LOC112694756: variants seen among roughly 807,000 people sequenced by gnomAD.
At chr16:30,061,472 C>T in the LOC112694756 span, among the ~76,000 whole-genome samples, 3 of 149,214 alleles carry the variant, frequency 2.0e-5, no homozygotes, top group Non-Finnish European at 3.0e-5. Context: ...GCAGAGGGCT[C>T]AAGAGGGATT....
At chr16:30,068,062 ATTT>A in the LOC112694756 span, 814 of 176,086 alleles carry the variant, frequency 4.6e-3, no homozygotes, top group South Asian at 0.011. Context: ...TTTTAAGTAA[ATTT>A]TTTTTTTTTT....
At chr16:30,060,057 C>T in the LOC112694756 span, among the ~76,000 whole-genome samples, 1 of 152,072 alleles carries the variant, frequency 6.6e-6, no homozygotes, top group Admixed American at 6.5e-5. Flanking sequence ...CGGCTCACTG[C>T]AATCTCCATC....
the LOC112694756 span, chr16:30,068,012 T>C: frequency 3.4e-3 from 1,041 of 306,746 alleles, 11 homozygotes; most frequent in African/African-American, 0.021. Flanking sequence ...AGTGAAAATA[T>C]TTTAATTTAA....
the LOC112694756 span, chr16:30,064,622 A>G: frequency 2.5e-6 from 1 of 395,746 alleles, no homozygotes; most frequent in African/African-American, 2.1e-5. Flanking sequence ...TTCCCTAAAT[A>G]TAGGTCCCTG....
At chr16:30,059,076 C>G in the LOC112694756 span, 1 of 398,464 alleles carries the variant, frequency 2.5e-6, no homozygotes, top group East Asian at 3.6e-5. Context: ...AAAGGAAAGC[C>G]AGGCATCTAG....
the LOC112694756 span, chr16:30,055,140 G>A: frequency 3.1e-4 from 124 of 398,944 alleles, 1 homozygote; most frequent in Non-Finnish European, 2.0e-4. Flanking sequence ...ACTACCTGCT[G>A]CCTATTCCAC....
At chr16:30,055,019 A>G in the LOC112694756 span, 3 of 398,436 alleles carry the variant, frequency 7.5e-6, no homozygotes, top group East Asian at 1.1e-4. Flanking sequence ...ACCCTGAGAC[A>G]CTTGACATTT....
chr16:30,058,778 G>A, the LOC112694756 span, among the ~76,000 whole-genome samples: 1 of 151,220 alleles, frequency 6.6e-6, no homozygotes, highest in African/African-American at 2.4e-5. Flanking sequence ...CACCACGCCT[G>A]GCCTGCTCTG....
At chr16:30,067,646 T>A in the LOC112694756 span, 161 of 1,613,894 alleles carry the variant, frequency 1.0e-4, no homozygotes, top group African/African-American at 2.0e-3. Flanking sequence ...CCAAGGGCGG[T>A]GTTGTGGGCA....
the LOC112694756 span, among the ~76,000 whole-genome samples, chr16:30,060,058 A>G: frequency 2.6e-5 from 4 of 151,900 alleles, no homozygotes; most frequent in Non-Finnish European, 5.9e-5. Flanking sequence ...GGCTCACTGC[A>G]ATCTCCATCT....
At chr16:30,060,836 A>C in the LOC112694756 span, among the ~76,000 whole-genome samples, 1 of 152,108 alleles carries the variant, frequency 6.6e-6, no homozygotes, top group Admixed American at 6.5e-5. Flanking sequence ...GCCTCCCCCA[A>C]GGAGGCAGTT....
At chr16:30,055,238 TG>T in the LOC112694756 span, 1 of 399,536 alleles carries the variant, frequency 2.5e-6, no homozygotes, top group Non-Finnish European at 4.4e-6. Context: ...GCCCCCAGAC[TG>T]CTGCTGGACC....
the LOC112694756 span, chr16:30,054,794 G>A: frequency 1.0e-5 from 4 of 399,142 alleles, no homozygotes; most frequent in Non-Finnish European, 1.8e-5. Context: ...GCCTCCTCTA[G>A]CCCGTGGAAT....
chr16:30,053,256 G>C, the LOC112694756 span: 1 of 152,550 alleles, frequency 6.6e-6, no homozygotes, highest in African/African-American at 2.4e-5. Flanking sequence ...CCGGAGTGTG[G>C]GGACTGAGGA....
At chr16:30,069,006 C>A in the LOC112694756 span, 2 of 1,614,020 alleles carry the variant, frequency 1.2e-6, no homozygotes, top group Non-Finnish European at 1.7e-6. Context: ...CAATAGGCAA[C>A]CTCCTACCTC....
chr16:30,067,039 G>T, the LOC112694756 span: 1 of 1,578,428 alleles, frequency 6.3e-7, no homozygotes, highest in Non-Finnish European at 8.6e-7. Context: ...GTTAGGAAAG[G>T]TACAGGGGCA....
At chr16:30,055,583 A>G in the LOC112694756 span, among the ~76,000 whole-genome samples, 1 of 152,162 alleles carries the variant, frequency 6.6e-6, no homozygotes, top group Non-Finnish European at 1.5e-5. Context: ...CATAGCCAGC[A>G]CTTCTAAATG....
At chr16:30,066,965 C>A in the LOC112694756 span, 1 of 1,552,756 alleles carries the variant, frequency 6.4e-7, no homozygotes, top group Non-Finnish European at 8.7e-7. Context: ...ATGGCCTTTT[C>A]CTTTCCCCCA....
At chr16:30,057,118 C>G in the LOC112694756 span, among the ~76,000 whole-genome samples, 1 of 152,004 alleles carries the variant, frequency 6.6e-6, no homozygotes, top group African/African-American at 2.4e-5. Context: ...CCATGTTGGT[C>G]AGGGTGGTCT....
Sources: allele counts gnomAD v4.1 joint callset (sites outside exome capture counted in the v4.1 genomes callset), GRCh38; gene constraint gnomAD v4.1.1; transcripts MANE v1.5.